The following ALK variants were observed in gnomAD, a reference collection of about 807,000 sequenced individuals.
ALK encodes ALK receptor tyrosine kinase.
ALK carries 74 observed loss-of-function variants against 163.1 expected under a neutral mutation model. The observed-to-expected ratio is 0.45, with a 90% CI of 0.38 to 0.55. The LOEUF (loss-of-function observed/expected upper bound fraction) is 0.55, where lower values mean the gene tolerates loss of function less well. ALK is among the 20% of genes least tolerant of loss of function. The pLI is 0.00. For missense variants in ALK, 2,063 were observed against 2,105.3 expected (o/e 0.98, Z 0.39); for synonymous variants, 960 against 843.2 (o/e 1.14, Z -2.40).
chr2:29,866,361 A>G (rs1666434419), intron 1 of ALK, among the ~76,000 whole-genome samples: 1 of 152,212 alleles, frequency 6.6e-6, no homozygotes, highest in Non-Finnish European at 1.5e-5. Context: ...TTTGCACAGC[A>G]GCATGGTGCA....
At chr2:29,721,588 A>G (rs1679423604) in intron 1 of ALK, among the ~76,000 whole-genome samples, 1 of 152,230 alleles carries the variant, frequency 6.6e-6, no homozygotes, top group Admixed American at 6.5e-5. Context: ...TTATTGAGAA[A>G]AGAGAAGTGA....
intron 3 of ALK, among the ~76,000 whole-genome samples, chr2:29,691,383 A>C (rs1422358411): frequency 6.6e-6 from 1 of 152,224 alleles, no homozygotes; most frequent in Non-Finnish European, 1.5e-5. Context: ...CCATTCATGA[A>C]AGAGCTTGGT....
At chr2:29,569,872 C>T (rs1049035947) in intron 3 of ALK, among the ~76,000 whole-genome samples, 2 of 152,218 alleles carry the variant, frequency 1.3e-5, no homozygotes, top group Admixed American at 1.3e-4. Context: ...AGGTTGTCCC[C>T]CTTCCCTCCT....
chr2:29,625,123 G>A (rs1676155614), intron 3 of ALK, among the ~76,000 whole-genome samples: 1 of 152,218 alleles, frequency 6.6e-6, no homozygotes, highest in African/African-American at 2.4e-5. Flanking sequence ...GGGATTCAAG[G>A]AAGAGCATCT....
chr2:29,632,224 C>T (rs1365075797), intron 3 of ALK, among the ~76,000 whole-genome samples: 1 of 152,108 alleles, frequency 6.6e-6, no homozygotes, highest in East Asian at 1.9e-4. Flanking sequence ...CAGAAATAAA[C>T]TGTGAGATGT....
chr2:29,758,957 A>G (rs1680619126), intron 1 of ALK, among the ~76,000 whole-genome samples: 1 of 152,164 alleles, frequency 6.6e-6, no homozygotes, highest in South Asian at 2.1e-4. Flanking sequence ...CTCTGGGAAT[A>G]CAGGCTAAAT....
chr2:29,370,527 A>G (rs1272351703), intron 5 of ALK, among the ~76,000 whole-genome samples: 1 of 152,234 alleles, frequency 6.6e-6, no homozygotes, highest in African/African-American at 2.4e-5. Context: ...TTATATTTAA[A>G]TTTCACAAAC....
At chr2:29,226,779 C>T (rs2148177969) in intron 18 of ALK, 143 bp downstream of exon 18, 1 of 1,016,566 alleles carries the variant, frequency 9.8e-7, no homozygotes, top group Non-Finnish European at 1.5e-6. Context: ...GTGGTCAGAG[C>T]ACTCGAGCTG....
intron 4 of ALK, among the ~76,000 whole-genome samples, chr2:29,391,309 G>GT (rs1285135375): frequency 2.1e-5 from 3 of 142,716 alleles, no homozygotes; most frequent in East Asian, 2.0e-4. Flanking sequence ...TTTTTTTGGG[G>GT]GGGGGGTGGT....
At chr2:29,469,510 C>T (rs1227934737) in intron 4 of ALK, among the ~76,000 whole-genome samples, 1 of 152,200 alleles carries the variant, frequency 6.6e-6, no homozygotes, top group African/African-American at 2.4e-5. Context: ...CATCTTTTCA[C>T]AGGCATGCTG....
At chr2:29,503,826 A>T (rs2148134055) in intron 4 of ALK, among the ~76,000 whole-genome samples, 1 of 152,204 alleles carries the variant, frequency 6.6e-6, no homozygotes, top group African/African-American at 2.4e-5. Context: ...GCTTCTACTA[A>T]GTGCTATGAA....
chr2:29,853,713 A>G (rs1319977188), intron 1 of ALK, among the ~76,000 whole-genome samples: 6 of 152,080 alleles, frequency 3.9e-5, no homozygotes, highest in Non-Finnish European at 7.4e-5. Flanking sequence ...CGTCACTCAG[A>G]TGGCCCAGGA....
chr2:29,811,699 G>T (rs1664765594), intron 1 of ALK, among the ~76,000 whole-genome samples: 1 of 152,188 alleles, frequency 6.6e-6, no homozygotes, highest in Non-Finnish European at 1.5e-5. Flanking sequence ...ATGGCAGATT[G>T]CACTGTAGGA....
rs1172702963 is a variant in ALK, at chr2:29,705,240, A to AAT, written c.788-10228_788-10227dup. 8.9e-3 allele frequency among the ~76,000 whole-genome samples: 417 copies of AAT among 47,108 alleles called. 7 individuals are homozygous for AAT. The highest frequency in any genetic ancestry group is 0.045 in the East Asian group (39 of 860). The allele number at this position is 47,108 out of a possible 152,430, so 30.9% of individuals were successfully genotyped here. On this transcript the variant is annotated intron_variant, in intron 2 of 28. Coordinates refer to ENST00000389048, the MANE Select transcript of ALK (RefSeq NM_004304.5). ...CTCAACAAAAAAAGAAAAGAAAAGAAATATATATATATATATATATATATA... is the reference window on the plus strand; with the variant it reads ...CTCAACAAAAAAAGAAAAGAAAAGAAATATATATATATATATATATATATATA...
intron 3 of ALK, among the ~76,000 whole-genome samples, chr2:29,586,241 A>AT (rs57331403): frequency 1.3e-3 from 186 of 145,758 alleles, no homozygotes; most frequent in Non-Finnish European, 1.8e-3. Context: ...GGATATTAAC[A>AT]TTTTTTTTTT....
intron 1 of ALK, among the ~76,000 whole-genome samples, chr2:29,863,964 A>G (rs1666360896): frequency 6.6e-6 from 1 of 152,194 alleles, no homozygotes; most frequent in Non-Finnish European, 1.5e-5. Flanking sequence ...CCTGTCGTGC[A>G]TCTAATCCTA....
At chr2:29,694,226 C>A (rs567174292) in intron 3 of ALK, among the ~76,000 whole-genome samples, 1 of 152,290 alleles carries the variant, frequency 6.6e-6, no homozygotes, top group East Asian at 1.9e-4. Flanking sequence ...CTTTCCTAGG[C>A]CCTGATAATA....
intron 9 of ALK, among the ~76,000 whole-genome samples, chr2:29,275,876 T>C (rs1665535009): frequency 6.6e-6 from 1 of 152,176 alleles, no homozygotes; most frequent in Admixed American, 6.5e-5. Flanking sequence ...GGGAGTGATT[T>C]CAAGGCACTG....
rs73923625 is a variant in ALK at position 29,428,765 on chromosome 2, T to C, written c.1155-44906A>G. Among the ~76,000 whole-genome samples the C allele has an allele frequency of 7.0e-3, 1,064 of 152,134 alleles. 21 individuals carry two copies. The highest frequency in any genetic ancestry group is 0.024 in the African/African-American group (985 of 41,538). On this transcript the variant is annotated intron_variant, in intron 4 of 28. Coordinates refer to ENST00000389048, the MANE Select transcript of ALK (RefSeq NM_004304.5). Reference sequence around the variant, plus strand: ...ACACTTCCCAACGCATTCTACGATGTCAGTATTATTTTGATACCAGAACCA... The same window carrying C: ...ACACTTCCCAACGCATTCTACGATGCCAGTATTATTTTGATACCAGAACCA...
Sources: allele counts gnomAD v4.1 joint callset (sites outside exome capture counted in the v4.1 genomes callset), GRCh38; gene constraint gnomAD v4.1.1; transcripts MANE v1.5; gene names NCBI Gene and HGNC (gene_info 2026-07-23, HGNC 2026-07-21).